SWAP70: variants seen among roughly 807,000 people sequenced by gnomAD.
SWAP70 encodes the protein switch-associated protein 70.
Under a neutral mutation model 80.2 loss-of-function variants are expected in SWAP70, and 34 were observed. That is an observed-to-expected ratio of 0.42 (90% CI 0.32 to 0.56). SWAP70 has a LOEUF of 0.56. Among genes scored for constraint, SWAP70 ranks in the 20% least tolerant of loss-of-function variants. The pLI is 0.09. For missense variants in SWAP70, 578 were observed against 690.7 expected (o/e 0.84, Z 1.83); for synonymous variants, 239 against 238.5 (o/e 1.00, Z -0.02).
At position 9,747,867 on chromosome 11, in the gene SWAP70, G is replaced by A. The variant is rs755293840; in HGVS notation, c.1365G>A (p.Glu455=). The A allele has an allele frequency of 7.4e-6, 12 of 1,614,058 alleles. No homozygotes were observed. The highest frequency in any genetic ancestry group is 1.0e-5 in the Non-Finnish European group (12 of 1,180,026). Residue 455 remains glutamate (E), a synonymous_variant, in exon 10 of 12, where the codon GAG becomes GAA. Transcript: ENST00000318950. The stretch of plus-strand genomic sequence containing the variant: ...TTCCTCCACATTGTAGGTTGTTGGA[G>A]GAAGAGTCTTCCAAGAGGGCTGAAC... ...TVRKLQARLL[E]EESSKRAELE...
intron 3 of SWAP70, 59 bp from the exon 4 acceptor site, chr11:9,724,599 C>G: frequency 7.8e-7 from 1 of 1,286,732 alleles, no homozygotes; most frequent in Non-Finnish European, 1.1e-6. Context: ...AACATAAATA[C>G]ATAACTATGT....
intron 6 of SWAP70, among the ~76,000 whole-genome samples, chr11:9,731,628 T>C (rs1171399042): frequency 1.3e-5 from 2 of 152,232 alleles, no homozygotes; most frequent in African/African-American, 4.8e-5. Flanking sequence ...TATAGTACTT[T>C]ATGTATTGCT....
chr11:9,703,613 C>CTA (rs1354412283), intron 2 of SWAP70, among the ~76,000 whole-genome samples: 2 of 152,234 alleles, frequency 1.3e-5, no homozygotes, highest in Non-Finnish European at 2.9e-5. Flanking sequence ...TGCTTTTCCT[C>CTA]TATAGCACTT....
At chr11:9,689,965 G>A (rs1850676122) in intron 1 of SWAP70, among the ~76,000 whole-genome samples, 1 of 152,132 alleles carries the variant, frequency 6.6e-6, no homozygotes, top group South Asian at 2.1e-4. Flanking sequence ...AGGGCTATCT[G>A]TTTTTCCAGA....
chr11:9,744,013 A>G (rs1851477545), intron 9 of SWAP70, among the ~76,000 whole-genome samples: 1 of 144,676 alleles, frequency 6.9e-6, no homozygotes, highest in African/African-American at 2.6e-5. Flanking sequence ...CCCAGACTGG[A>G]GTGTAGTGGC....
rs1335275957 is a variant in SWAP70, at chr11:9,728,175, C to T, written c.765C>T (p.Leu255=). 1 of 1,611,360 alleles carries T rather than the reference C, an allele frequency of 6.2e-7. No individual in the cohort carries two copies. The highest frequency in any genetic ancestry group is 8.5e-7 in the Non-Finnish European group (1 of 1,179,074). Residue 255 remains leucine, a synonymous_variant, in exon 5 of 12, where the codon CTC becomes CTT. Coordinates refer to ENST00000318950, the MANE Select transcript of SWAP70 (RefSeq NM_015055.4). ...EDLKDKKGDI[L]LDENCCVESL... is the part of the protein sequence containing the mutation. ...TGAAGGATAAGAAAGGAGACATTCT[C>T]TTGGATGAAAATTGCTGTGTAGAGG... is the stretch of plus-strand genomic sequence containing the variant.
chr11:9,668,080 G>T (rs1215371519), intron 1 of SWAP70, among the ~76,000 whole-genome samples: 2 of 152,054 alleles, frequency 1.3e-5, no homozygotes, highest in African/African-American at 4.8e-5. Flanking sequence ...GTAGAGATGG[G>T]GTTTCACCAT....
chr11:9,748,419 C>T (rs1402824081), intron 10 of SWAP70, among the ~76,000 whole-genome samples: 2 of 152,234 alleles, frequency 1.3e-5, no homozygotes, highest in African/African-American at 4.8e-5. Flanking sequence ...GAAGAGCATT[C>T]TTTGCTTCTT....
intron 2 of SWAP70, among the ~76,000 whole-genome samples, chr11:9,704,053 G>A (rs1244627634): frequency 6.6e-6 from 1 of 152,154 alleles, no homozygotes; most frequent in Non-Finnish European, 1.5e-5. Context: ...ATTTTAAAGT[G>A]TACAGTAAAA....
chr11:9,697,339 G>C (rs985452542), intron 2 of SWAP70, among the ~76,000 whole-genome samples: 3 of 150,006 alleles, frequency 2.0e-5, no homozygotes, highest in African/African-American at 7.4e-5. Context: ...CAGGAGTGCA[G>C]TGCCGCAATC....
chr11:9,722,968 T>C (rs59866033), intron 3 of SWAP70, among the ~76,000 whole-genome samples: 3,783 of 152,246 alleles, frequency 0.025, 151 homozygotes, highest in African/African-American at 0.086. Flanking sequence ...TGATCTATGG[T>C]ATTGGTGGTA....
At chr11:9,746,703 A>C (rs1851516195) in intron 9 of SWAP70, among the ~76,000 whole-genome samples, 1 of 152,244 alleles carries the variant, frequency 6.6e-6, no homozygotes, top group Non-Finnish European at 1.5e-5. Context: ...GAGGGAGTAG[A>C]TACTTCCTTT....
chr11:9,738,152 C>G (rs1355723403), intron 7 of SWAP70, 61 bp from the exon 8 acceptor site: 9 of 1,177,592 alleles, frequency 7.6e-6, no homozygotes, highest in Middle Eastern at 2.0e-4. Context: ...CTGTCTCTCT[C>G]TCTTTAATGT....
At chr11:9,698,671 T>G (rs549280957) in intron 2 of SWAP70, among the ~76,000 whole-genome samples, 5 of 152,318 alleles carry the variant, frequency 3.3e-5, no homozygotes, top group Admixed American at 3.3e-4. Flanking sequence ...TCCTAAAGTG[T>G]TGGGATTATA....
chr11:9,679,401 C>T (rs981064027), intron 1 of SWAP70, among the ~76,000 whole-genome samples: 7 of 152,210 alleles, frequency 4.6e-5, no homozygotes, highest in African/African-American at 1.7e-4. Context: ...GCAGGCAGCA[C>T]ATCTCCATCA....
intron 3 of SWAP70, among the ~76,000 whole-genome samples, chr11:9,717,970 A>G (rs369031961): frequency 2.6e-5 from 4 of 152,208 alleles, no homozygotes; most frequent in East Asian, 3.8e-4. Flanking sequence ...TTTTCTGACT[A>G]TTGTGCCTAA....
intron 1 of SWAP70, among the ~76,000 whole-genome samples, chr11:9,673,755 A>G (rs1850449563): frequency 6.6e-6 from 1 of 152,148 alleles, no homozygotes; most frequent in Non-Finnish European, 1.5e-5. Flanking sequence ...GCCAGCTCCA[A>G]GATAGAAAGG....
intron 9 of SWAP70, among the ~76,000 whole-genome samples, chr11:9,746,447 A>C (rs960647882): frequency 3.3e-5 from 5 of 152,252 alleles, no homozygotes; most frequent in African/African-American, 9.6e-5. Flanking sequence ...TAGAAGGCAC[A>C]TAAAAAATAC....
chr11:9,721,096 G>A (rs1851129070), intron 3 of SWAP70, among the ~76,000 whole-genome samples: 1 of 152,232 alleles, frequency 6.6e-6, no homozygotes, highest in African/African-American at 2.4e-5. Context: ...GATGACAGGC[G>A]TGAGCCACCA....
Sources: allele counts gnomAD v4.1 joint callset (sites outside exome capture counted in the v4.1 genomes callset), GRCh38; gene constraint gnomAD v4.1.1; transcripts MANE v1.5; gene names NCBI Gene and HGNC (gene_info 2026-07-23, HGNC 2026-07-21).